CFAP70: variants seen among roughly 807,000 people sequenced by gnomAD.
The protein encoded by CFAP70 is cilia and flagella associated protein 70, also known as cilia- and flagella-associated protein 70.
In CFAP70, 81 loss-of-function variants were observed where a neutral mutation model predicts 137.6. The ratio of observed to expected loss-of-function variants is 0.59; its 90% CI spans 0.49 to 0.71. CFAP70 has a LOEUF of 0.71. CFAP70 is among the 30% of genes least tolerant of loss of function. The pLI is 0.00. For synonymous variants in CFAP70, 382 were observed against 423.6 expected, an observed-to-expected ratio of 0.90 and a Z score of 1.20; for missense variants, 976 against 1,226.7, an observed-to-expected ratio of 0.80 and a Z score of 3.05.
At chr10:73,359,882 T>C (rs1589632032), upstream of CFAP70, among the ~76,000 whole-genome samples, 3 of 151,654 alleles carry the variant, frequency 2.0e-5, no homozygotes, top group African/African-American at 7.3e-5. Flanking sequence ...GTGAGCCTCC[T>C]GGTGAAACAC....
intron 26 of CFAP70, 95 bp from the exon 28 acceptor site, chr10:73,254,150 G>T (rs2044232847): frequency 1.0e-6 from 1 of 976,126 alleles, no homozygotes; most frequent in Admixed American, 2.4e-5. Flanking sequence ...TACGGCTAAA[G>T]AACATAGTTC....
At chr10:73,336,280 G>C (rs973459790) in intron 6 of CFAP70, among the ~76,000 whole-genome samples, 3 of 152,114 alleles carry the variant, frequency 2.0e-5, no homozygotes, top group Non-Finnish European at 4.4e-5. Flanking sequence ...CCAGGGTTGA[G>C]AATTAACAAT....
At chr10:73,299,565 A>G in intron 13 of CFAP70, 40 bp downstream of exon 14, 1 of 1,569,758 alleles carries the variant, frequency 6.4e-7, no homozygotes, top group Non-Finnish European at 8.8e-7. Context: ...TGCACTCAAT[A>G]TCTTATTACT....
intron 5 of CFAP70, among the ~76,000 whole-genome samples, chr10:73,343,903 T>C (rs1342763070): frequency 2.6e-5 from 4 of 151,870 alleles, no homozygotes; most frequent in Non-Finnish European, 4.4e-5. Flanking sequence ...CAGAAATAAA[T>C]ATGATAAACT....
intron 19 of CFAP70, among the ~76,000 whole-genome samples, chr10:73,282,945 G>C (rs2047377134): frequency 6.9e-6 from 1 of 145,078 alleles, no homozygotes; most frequent in Non-Finnish European, 1.5e-5. Flanking sequence ...TGATTGTCCT[G>C]TTTCAGCCTC....
At chr10:73,353,564 G>A (rs747715998) in exon 3 of CFAP70, 2 of 1,613,916 alleles carry the variant, frequency 1.2e-6, no homozygotes, top group African/African-American at 1.3e-5. Flanking sequence ...ACAGAACACA[G>A]GTTTGTGAGC....
At chr10:73,351,073 A>ATG (rs2054211912) in intron 3 of CFAP70, among the ~76,000 whole-genome samples, 1 of 36,606 alleles carries the variant, frequency 2.7e-5, no homozygotes, top group Non-Finnish European at 4.1e-5. Context: ...GTGTGTGTGT[A>ATG]TATATATATA....
chr10:73,341,572 G>T (rs2132418015), exon 6 of CFAP70: 1 of 1,613,446 alleles, frequency 6.2e-7, no homozygotes, highest in African/African-American at 1.3e-5. Context: ...AATAAAATGG[G>T]ATAGTCCTTC....
At chr10:73,351,067 G>A (rs1485148563) in intron 3 of CFAP70, among the ~76,000 whole-genome samples, 39 of 64,040 alleles carry the variant, frequency 6.1e-4, no homozygotes, top group South Asian at 1.8e-3. Context: ...GTGTGTGTGT[G>A]TGTGTATATA....
exon 18 of CFAP70, chr10:73,291,747 A>G (rs557287985): frequency 6.2e-7 from 1 of 1,614,192 alleles, no homozygotes; most frequent in East Asian, 2.2e-5. Flanking sequence ...GACACCACAC[A>G]GCAACAAGCT....
At position 73,275,792 on chromosome 10, in the gene CFAP70, G is replaced by A. The variant is rs2046680391; in HGVS notation, c.2521-194C>T. 2 of 471,524 alleles carry A rather than the reference G, an allele frequency of 4.2e-6. No homozygotes were observed. Among genetic ancestry groups the A allele is most frequent in the South Asian group, 8.1e-5 (2 of 24,566 alleles). The allele number at this position is 471,524 out of a possible 1,614,324, so 29.2% of individuals were successfully genotyped here. ...AGTTCCATTACCAGCTATTCACCTA[G>A]TCACCAAATGAAGACATTACCAAGT... On this transcript the variant is annotated intron_variant, in intron 21 of 26. Transcript: ENST00000310715. The surrounding 1 kb of genome is among the most constrained non-coding windows in gnomAD (Gnocchi z 4.0).
chr10:73,349,660 A>G (rs2054039197), intron 3 of CFAP70, among the ~76,000 whole-genome samples: 2 of 152,244 alleles, frequency 1.3e-5, no homozygotes. Flanking sequence ...CAGAGTATGT[A>G]CAAGGTTTTT....
At chr10:73,348,324 C>A in intron 4 of CFAP70, 89 bp from the exon 5 acceptor site, 1 of 1,530,794 alleles carries the variant, frequency 6.5e-7, no homozygotes, top group African/African-American at 1.4e-5. Flanking sequence ...CTTTTCCCCT[C>A]AAATCCCTCA....
intron 8 of CFAP70, among the ~76,000 whole-genome samples, chr10:73,328,385 T>C (rs1414085225): frequency 2.5e-4 from 38 of 151,054 alleles, no homozygotes; most frequent in African/African-American, 8.3e-4. Context: ...CCATAAAAAC[T>C]CTAGAAGAAA....
intron 11 of CFAP70, among the ~76,000 whole-genome samples, chr10:73,311,432 A>G (rs1027466988): frequency 2.6e-4 from 39 of 152,170 alleles, no homozygotes; most frequent in African/African-American, 9.4e-4. Context: ...GCCCACACAG[A>G]ACTTTTATTT....
chr10:73,316,129 A>G (rs1408866562), intron 9 of CFAP70, among the ~76,000 whole-genome samples: 1 of 151,996 alleles, frequency 6.6e-6, no homozygotes, highest in African/African-American at 2.4e-5. Context: ...GTCTGGTATT[A>G]TTGTAGTTAC....
At chr10:73,259,513 G>C (rs1195511255) in intron 25 of CFAP70, among the ~76,000 whole-genome samples, 1 of 151,970 alleles carries the variant, frequency 6.6e-6, no homozygotes, top group Non-Finnish European at 1.5e-5. Context: ...ATTCAGGCTG[G>C]AGTGCAGTGG....
Position 73,302,904 on chromosome 10 carries a change from G to A in CFAP70, c.1257-3239C>T, listed in dbSNP as rs1157259038. ...TTTTCTTTTTTTTTTTTTTTTGAGA[G>A]AGGGTCTCGCTCTGTTGCCAGGCTG... is the stretch of plus-strand genomic sequence containing the variant. On this transcript the variant is annotated intron_variant, in intron 12 of 26. Coordinates refer to ENST00000310715, the Ensembl canonical transcript of CFAP70. Among the ~76,000 whole-genome samples the A allele has an allele frequency of 8.6e-5, 10 of 116,802 alleles. No individual in the cohort carries two copies. The South Asian group carries it at 3.1e-3, about 37-fold the overall frequency. The allele number at this position is 116,802 out of a possible 152,430, so 76.6% of individuals were successfully genotyped here. A position where few individuals can be genotyped will look rare whatever the true frequency, so the allele number is the denominator to read the frequency against.
At chr10:73,316,222 G>A (rs1282301285) in intron 9 of CFAP70, among the ~76,000 whole-genome samples, 1 of 151,810 alleles carries the variant, frequency 6.6e-6, no homozygotes, top group Non-Finnish European at 1.5e-5. Context: ...CCTAAGGTGT[G>A]TCTACTATAA....
Sources: allele counts gnomAD v4.1 joint callset (sites outside exome capture counted in the v4.1 genomes callset), GRCh38; gene constraint gnomAD v4.1.1; non-coding constraint Gnocchi (gnomAD v3.1); transcripts MANE v1.5; gene names NCBI Gene and HGNC (gene_info 2026-07-23, HGNC 2026-07-21).